Variants in DAP3 observed in about 807,000 individuals in gnomAD.
DAP3 encodes small ribosomal subunit protein mS29.
In DAP3, 28 loss-of-function variants were observed where a neutral mutation model predicts 51.9. The observed-to-expected ratio is 0.54, with a 90% CI of 0.40 to 0.74. DAP3 has a LOEUF of 0.74. Among genes scored for constraint, DAP3 ranks in the 30% least tolerant of loss-of-function variants. The pLI is 0.00. For missense variants in DAP3, 458 were observed against 483.5 expected (o/e 0.95, Z 0.49); for synonymous variants, 170 against 170.3 (o/e 1.00, Z 0.01).
chr1:155,727,576 G>A, intron 6 of DAP3, 32 bp from the exon 7 acceptor site: 1 of 1,604,744 alleles, frequency 6.2e-7, no homozygotes, highest in Non-Finnish European at 8.5e-7. Context: ...GTTTCTGCCT[G>A]GCTTGTTTTC....
intron 1 of DAP3, among the ~76,000 whole-genome samples, chr1:155,701,687 T>G (rs896101921): frequency 1.7e-5 from 2 of 117,166 alleles, no homozygotes; most frequent in East Asian, 2.1e-4. Flanking sequence ...AAAAAATAAA[T>G]TAAAAAAAAA....
Position 155,721,615 on chromosome 1 carries a change from G to A in DAP3, c.267G>A (p.Met89Ile), listed in dbSNP as rs766255365. The A allele has an allele frequency of 9.3e-6, 15 of 1,614,078 alleles. No individual in the cohort carries two copies. Among genetic ancestry groups the A allele is most frequent in the East Asian group, 2.2e-5 (1 of 44,882 alleles). ...FPHGLPPRFV[M>I]QVKTFSEACL... ...ATGGCCTTCCTCCTCGCTTTGTGAT[G>A]CAGGTGCTCAAGACAGGGAATGGAA... The change falls in exon 4 of 13, where the codon ATG becomes ATA. Residue 89 changes from methionine (M) to isoleucine (I), a missense_variant. Coordinates refer to ENST00000368336, the MANE Select transcript of DAP3 (RefSeq NM_004632.4).
intron 1 of DAP3, among the ~76,000 whole-genome samples, chr1:155,698,435 G>T (rs1654795082): frequency 6.6e-6 from 1 of 152,090 alleles, no homozygotes; most frequent in Admixed American, 6.5e-5. Flanking sequence ...TCTGTTTGGG[G>T]TCCCTGACTT....
At chr1:155,707,923 T>G (rs1404873568) in intron 1 of DAP3, among the ~76,000 whole-genome samples, 2 of 152,252 alleles carry the variant, frequency 1.3e-5, no homozygotes, top group Non-Finnish European at 2.9e-5. Flanking sequence ...TATTCCATTT[T>G]ATGACTGTCT....
upstream of DAP3, chr1:155,688,419 C>T (rs1652993943): frequency 1.3e-6 from 2 of 1,546,174 alleles, no homozygotes; most frequent in Non-Finnish European, 1.7e-6. Context: ...CTCCTCCCTC[C>T]TCGCGTTCTT....
intron 9 of DAP3, among the ~76,000 whole-genome samples, chr1:155,729,669 C>T (rs1183252690): frequency 6.6e-6 from 1 of 152,144 alleles, no homozygotes; most frequent in Non-Finnish European, 1.5e-5. Flanking sequence ...CCTGTAGTCA[C>T]TGCTACTGGA....
At chr1:155,713,575 C>T (rs1656964528) in intron 2 of DAP3, among the ~76,000 whole-genome samples, 1 of 152,118 alleles carries the variant, frequency 6.6e-6, no homozygotes. Flanking sequence ...GTTAAGTACT[C>T]AGAGAGGGAG....
chr1:155,721,863 T>C (rs1474892157), intron 4 of DAP3: 2 of 522,594 alleles, frequency 3.8e-6, no homozygotes, highest in East Asian at 5.6e-5. Context: ...ATAACTGTTT[T>C]AAATGAACTT....
chr1:155,690,192 G>A (rs540983394), intron 1 of DAP3, among the ~76,000 whole-genome samples: 2 of 141,446 alleles, frequency 1.4e-5, no homozygotes, highest in Admixed American at 6.6e-5. Flanking sequence ...AGGTAATGTC[G>A]GTGATAGATA....
rs1282576346 is a variant in DAP3 at position 155,727,693 on chromosome 1, C to T, written c.558C>T (p.Thr186=). The change falls in exon 7 of 13, where the codon ACC becomes ACT. Residue 186 remains threonine (T), a synonymous_variant. Transcript: ENST00000368336. The part of the protein sequence containing the change: ...QRFDQPLEAS[T]WLKNFKTTNE... ...TTGATCAACCTTTAGAGGCTTCAAC[C>T]TGGCTGAAGAATTTCAAAACTACAA... The T allele has an allele frequency of 6.2e-7, 1 of 1,613,666 alleles. No homozygotes were observed. The highest frequency in any genetic ancestry group is 1.7e-5 in the Admixed American group (1 of 59,916).
At chr1:155,733,198 G>C (rs1370487524) in intron 11 of DAP3, among the ~76,000 whole-genome samples, 1 of 152,202 alleles carries the variant, frequency 6.6e-6, no homozygotes, top group Non-Finnish European at 1.5e-5. Flanking sequence ...TAGAAGTGAT[G>C]ACATGTCTGA....
At chr1:155,689,540 T>C (rs1260486244) in intron 1 of DAP3, 2 of 396,084 alleles carry the variant, frequency 5.0e-6, no homozygotes, top group Non-Finnish European at 1.0e-5. Flanking sequence ...CTTCAGCAAG[T>C]TATTTTTGTT....
chr1:155,696,723 G>A (rs533517146), intron 1 of DAP3, among the ~76,000 whole-genome samples: 7 of 152,336 alleles, frequency 4.6e-5, no homozygotes, highest in African/African-American at 1.7e-4. Context: ...GGATAGCTTT[G>A]CCTACAAAAG....
At chr1:155,731,264 C>T in intron 9 of DAP3, 92 bp from the exon 10 acceptor site, 1 of 1,106,090 alleles carries the variant, frequency 9.0e-7, no homozygotes, top group South Asian at 1.4e-5. Flanking sequence ...GAGACTCTGT[C>T]AAAAAAAAAA....
intron 1 of DAP3, among the ~76,000 whole-genome samples, chr1:155,705,609 A>G (rs1426008680): frequency 6.6e-6 from 1 of 151,390 alleles, no homozygotes; most frequent in Non-Finnish European, 1.5e-5. Flanking sequence ...TCTCAAAAAA[A>G]AAAAGAAAGA....
At chr1:155,719,252 T>C (rs901613614) in intron 3 of DAP3, among the ~76,000 whole-genome samples, 3 of 118,988 alleles carry the variant, frequency 2.5e-5, no homozygotes, top group African/African-American at 9.4e-5. Flanking sequence ...TTTTTTTTTT[T>C]GAGACAGAGT....
chr1:155,718,705 A>AAGATAGAT (rs61332895), intron 3 of DAP3, among the ~76,000 whole-genome samples: 10,707 of 140,828 alleles, frequency 0.076, 457 homozygotes, highest in Non-Finnish European at 0.086. Context: ...AAAAGAAAGA[A>AAGATAGAT]AGATAGATAG....
chr1:155,716,560 G>A (rs1358599171), intron 2 of DAP3, among the ~76,000 whole-genome samples: 7 of 151,244 alleles, frequency 4.6e-5, no homozygotes, highest in Admixed American at 3.3e-4. Context: ...GCGACAGAGT[G>A]AGACTCCATC....
In DAP3 at chr1:155,732,045, G is replaced by T; in HGVS notation, c.993+12G>T. ...AGTTGCTGGGAAAGGTCAAGTCAAAGGAAAATTTGTTTCTACTTAGATTGT... is the reference window on the plus strand; with the variant it reads ...AGTTGCTGGGAAAGGTCAAGTCAAATGAAAATTTGTTTCTACTTAGATTGT... On this transcript the variant is annotated intron_variant, in intron 11 of 12. Coordinates refer to ENST00000368336, the MANE Select transcript of DAP3 (RefSeq NM_004632.4). 1 of 1,599,052 alleles carries T rather than the reference G, an allele frequency of 6.3e-7. No individual in the cohort carries two copies. Among genetic ancestry groups the T allele is most frequent in the East Asian group, 2.3e-5 (1 of 44,400 alleles).
Sources: gnomAD v4.1 joint callset for allele counts (sites outside exome capture counted in the v4.1 genomes callset) on GRCh38, gnomAD v4.1.1 for gene constraint, MANE v1.5 for transcripts, NCBI Gene and HGNC (gene_info 2026-07-23, HGNC 2026-07-21) for gene names.